The following RGSL1 variants were observed in gnomAD, a reference collection of about 807,000 sequenced individuals.
RGSL1 encodes regulator of G protein signaling like 1.
In RGSL1, 97 loss-of-function variants were observed where a neutral mutation model predicts 124.7. The ratio of observed to expected loss-of-function variants is 0.78; its 90% confidence interval spans 0.66 to 0.92. The LOEUF (loss-of-function observed/expected upper bound fraction) is 0.92. Among genes scored for constraint, RGSL1 ranks in the 40% least tolerant of loss-of-function variants. The pLI, the probability that RGSL1 is intolerant of heterozygous loss-of-function variation, is 0.00. For synonymous variants in RGSL1, 424 were observed against 438.1 expected, an observed-to-expected ratio of 0.97 and a Z score of 0.40; for missense variants, 1,233 against 1,288.4, an observed-to-expected ratio of 0.96 and a Z score of 0.66.
At chr1:182,470,906 A>C (rs1385503635) in intron 4 of RGSL1, among the ~76,000 whole-genome samples, 1 of 152,190 alleles carries the variant, frequency 6.6e-6, no homozygotes, top group Admixed American at 6.6e-5. Flanking sequence ...GTATTCACAG[A>C]GTAAAATGTT....
chr1:182,542,255 G>A (rs941784367), intron 15 of RGSL1, among the ~76,000 whole-genome samples: 6 of 152,128 alleles, frequency 3.9e-5, no homozygotes, highest in Non-Finnish European at 7.4e-5. Flanking sequence ...TGAGAGATAG[G>A]TGTCTGGTTT....
At chr1:182,534,890 A>C (rs1659434396) in intron 14 of RGSL1, among the ~76,000 whole-genome samples, 1 of 152,154 alleles carries the variant, frequency 6.6e-6, no homozygotes, top group African/African-American at 2.4e-5. Context: ...TCAAGCCCTC[A>C]TGCCCCAGAA....
At chr1:182,456,455 C>A (rs892736397) in intron 2 of RGSL1, among the ~76,000 whole-genome samples, 1 of 152,138 alleles carries the variant, frequency 6.6e-6, no homozygotes, top group Admixed American at 6.5e-5. Flanking sequence ...CACCACCACG[C>A]CCAGCTAATC....
chr1:182,460,701 A>T (rs1415631510), intron 4 of RGSL1: 1 of 455,956 alleles, frequency 2.2e-6, no homozygotes, highest in Non-Finnish European at 4.4e-6. Flanking sequence ...AATAGGAAGC[A>T]CTAGGAATCT....
chr1:182,513,967 C>T (rs550067305), intron 9 of RGSL1, among the ~76,000 whole-genome samples: 1 of 149,290 alleles, frequency 6.7e-6, no homozygotes, highest in East Asian at 2.0e-4. Context: ...GATCTTGGCT[C>T]ACTGCAACCT....
chr1:182,512,270 T>A (rs1030356238), intron 9 of RGSL1, among the ~76,000 whole-genome samples: 4 of 152,244 alleles, frequency 2.6e-5, no homozygotes, highest in Admixed American at 6.5e-5. Flanking sequence ...AGTGACTCTC[T>A]GTCTCTTTTT....
rs369049864 is a variant in RGSL1, at chr1:182,452,141, G to T, written c.14-1817G>T. ...GGGAATGTAGGAAAAGGAGCAGGTT[G>T]GGAGGCCTGGACACATTGAACATGT... is the stretch of plus-strand genomic sequence containing the variant. On this transcript the variant is annotated intron_variant, in intron 1 of 21. Transcript: ENST00000294854. Among the ~76,000 whole-genome samples the T allele has an allele frequency of 3.9e-4, 60 of 152,196 alleles. 1 individual carries two copies. In the East Asian group the frequency reaches 0.01, roughly 26 times the overall value.
intron 9 of RGSL1, among the ~76,000 whole-genome samples, chr1:182,496,837 T>C (rs1326469599): frequency 6.6e-6 from 1 of 152,196 alleles, no homozygotes; most frequent in African/African-American, 2.4e-5. Flanking sequence ...CTATGTCCTT[T>C]ATTTTGGAGA....
chr1:182,502,874 T>C (rs999960200), intron 9 of RGSL1, among the ~76,000 whole-genome samples: 3 of 152,224 alleles, frequency 2.0e-5, no homozygotes, highest in Admixed American at 6.5e-5. Context: ...TGTTTTTATT[T>C]TCCTTTAGCT....
intron 9 of RGSL1, among the ~76,000 whole-genome samples, chr1:182,520,283 G>T (rs900491231): frequency 4.6e-5 from 7 of 152,180 alleles, no homozygotes; most frequent in Non-Finnish European, 1.0e-4. Flanking sequence ...GTTTTCTTTA[G>T]TCTTTGGAGT....
intron 6 of RGSL1, among the ~76,000 whole-genome samples, chr1:182,480,410 G>A (rs920003730): frequency 2.6e-5 from 4 of 151,856 alleles, no homozygotes; most frequent in Non-Finnish European, 5.9e-5. Context: ...CAGCCTGGGT[G>A]AAAGAATGAA....
At chr1:182,481,911 G>T (rs1410293734) in intron 6 of RGSL1, among the ~76,000 whole-genome samples, 1 of 152,180 alleles carries the variant, frequency 6.6e-6, no homozygotes, top group Non-Finnish European at 1.5e-5. Context: ...AGAATTTGAA[G>T]CTGCAGTGAG....
At chr1:182,471,951 A>G (rs1037963223) in intron 4 of RGSL1, among the ~76,000 whole-genome samples, 32 of 152,256 alleles carry the variant, frequency 2.1e-4, no homozygotes, top group African/African-American at 7.5e-4. Context: ...TCACTTTGCC[A>G]CTCAGAGTTC....
intron 2 of RGSL1, among the ~76,000 whole-genome samples, chr1:182,456,743 G>A (rs1355040795): frequency 6.6e-6 from 1 of 152,178 alleles, no homozygotes; most frequent in Non-Finnish European, 1.5e-5. Context: ...GGCAGCTGTG[G>A]CCTATAAAGA....
In RGSL1 at chr1:182,472,587, G is replaced by A. The variant is rs537499857; in HGVS notation, c.463+30G>A. 4.3e-5 allele frequency: 63 copies of A among 1,480,876 alleles called. 1 individual carries two copies. In the African/African-American group the frequency reaches 8.1e-4, roughly 19 times the overall value. The allele number at this position is 1,480,876 out of a possible 1,614,324, so 91.7% of individuals were successfully genotyped here. ...GAATTATAAAGCATCTTTTTGGGGG[G>A]ATGCAACAAAAAAGTAAATCCAGTG... On this transcript the variant is annotated intron_variant, in intron 5 of 21. Transcript: ENST00000294854.
At chr1:182,450,208 C>T (rs1651701925) in intron 1 of RGSL1, 30 bp downstream of exon 1, 4 of 1,551,828 alleles carry the variant, frequency 2.6e-6, no homozygotes, top group East Asian at 2.4e-5. Context: ...GTCTCCAAGG[C>T]CTTGAGTCTC....
rs2102043497 is a variant in RGSL1, at chr1:182,474,670, A to G, written c.1431+128A>G. On this transcript the variant is annotated intron_variant, in intron 6 of 21. Coordinates refer to ENST00000294854, the MANE Select transcript of RGSL1 (RefSeq NM_001137669.2). ...ACCCACATAAACCTTTACATATTGA[A>G]GAGTTGGTTGATCTGTTAAGGCAGG... 3 of 1,340,652 alleles carry G rather than the reference A, an allele frequency of 2.2e-6. No homozygotes were observed. In the South Asian group the frequency reaches 4.7e-5, roughly 21 times the overall value. 83.0% of individuals were successfully genotyped at this position (1,340,652 alleles called of 1,614,324 possible).
intron 9 of RGSL1, among the ~76,000 whole-genome samples, chr1:182,506,513 C>A (rs111431472): frequency 2.2e-4 from 1 of 4,604 alleles, no homozygotes; most frequent in Admixed American, 1.6e-3. Flanking sequence ...ACACTTCCTG[C>A]TTTATAGTCT....
At chr1:182,534,878 G>C (rs1275928063) in intron 14 of RGSL1, among the ~76,000 whole-genome samples, 1 of 151,818 alleles carries the variant, frequency 6.6e-6, no homozygotes, top group Non-Finnish European at 1.5e-5. Flanking sequence ...AATAAAACCA[G>C]CTCAAGCCCT....
Sources: gnomAD v4.1 joint callset for allele counts (sites outside exome capture counted in the v4.1 genomes callset) on GRCh38, gnomAD v4.1.1 for gene constraint, MANE v1.5 for transcripts, NCBI Gene and HGNC (gene_info 2026-07-23, HGNC 2026-07-21) for gene names.